MACROD2: variants seen among roughly 807,000 people sequenced by gnomAD.
The protein encoded by MACROD2 is mono-ADP ribosylhydrolase 2, also known as ADP-ribose glycohydrolase MACROD2.
Under a neutral mutation model 70.4 loss-of-function variants are expected in MACROD2, and 36 were observed. That is an observed-to-expected ratio of 0.51 (90% confidence interval 0.39 to 0.68). The LOEUF is 0.68. Ranked by LOEUF, MACROD2 falls within the 30% of genes least tolerant of loss-of-function variation. The pLI, the probability that MACROD2 is intolerant of heterozygous loss-of-function variation, is 0.00. For synonymous variants in MACROD2, 172 were observed against 178.8 expected (o/e 0.96, Z 0.30); for missense variants, 496 against 538.4 (o/e 0.92, Z 0.78).
intron 9 of MACROD2, among the ~76,000 whole-genome samples, chr20:15,880,396 C>A (rs1446029305): frequency 1.3e-5 from 2 of 151,800 alleles, no homozygotes; most frequent in Non-Finnish European, 2.9e-5. Context: ...TTTGAGTTCC[C>A]CAATAAGCAG....
At chr20:14,858,791 T>G (rs73089903) in intron 5 of MACROD2, among the ~76,000 whole-genome samples, 30,387 of 152,022 alleles carry the variant, frequency 0.2, 3,191 homozygotes, top group East Asian at 0.25. Flanking sequence ...ACTTTAAACA[T>G]GTTTTCAAAC....
intron 6 of MACROD2, among the ~76,000 whole-genome samples, chr20:15,356,056 A>G (rs1297736130): frequency 1.3e-5 from 2 of 151,926 alleles, no homozygotes; most frequent in Admixed American, 6.5e-5. Flanking sequence ...GTGTTGCTTC[A>G]ACTTCCTATC....
intron 3 of MACROD2, among the ~76,000 whole-genome samples, chr20:14,196,025 A>C (rs1256471857): frequency 2.0e-5 from 3 of 152,184 alleles, no homozygotes; most frequent in Non-Finnish European, 4.4e-5. Flanking sequence ...CTGGGGCTTC[A>C]GCTGTAAACA....
At position 15,920,860 on chromosome 20, in the gene MACROD2, C is replaced by A. The variant is rs1446979580; in HGVS notation, c.776-12416C>A. 3.3e-5 allele frequency among the ~76,000 whole-genome samples: 5 copies of A among 152,258 alleles called. No homozygotes were observed. In the East Asian group the frequency reaches 7.7e-4, roughly 24 times the overall value. ...GTTAAGAATGTTCTTCAGGATAATT[C>A]AGAGCTTTTGCAGTAGAGGTCGACA... On this transcript the variant is annotated intron_variant, in intron 10 of 17. Transcript: ENST00000684519.
chr20:14,581,829 A>G (rs533996285), intron 4 of MACROD2, among the ~76,000 whole-genome samples: 3 of 152,272 alleles, frequency 2.0e-5, no homozygotes, highest in East Asian at 3.9e-4. Context: ...TGTGTTGGCT[A>G]CTGCTCTTGG....
At chr20:15,300,193 T>G (rs1214376836) in intron 6 of MACROD2, among the ~76,000 whole-genome samples, 1 of 152,196 alleles carries the variant, frequency 6.6e-6, no homozygotes, top group Non-Finnish European at 1.5e-5. Context: ...TTGGCTTTGC[T>G]TTTGTCTCCA....
At chr20:14,077,879 CTG>C (rs1366570274) in intron 2 of MACROD2, among the ~76,000 whole-genome samples, 1 of 147,754 alleles carries the variant, frequency 6.8e-6, no homozygotes, top group Non-Finnish European at 1.5e-5. Context: ...TAGTAAGAGA[CTG>C]TGAAAGGTTT....
At chr20:14,975,419 G>A (rs1349012862) in intron 5 of MACROD2, among the ~76,000 whole-genome samples, 1 of 152,106 alleles carries the variant, frequency 6.6e-6, no homozygotes, top group Non-Finnish European at 1.5e-5. Context: ...AGGCTGGGGC[G>A]GGCAGGTGGG....
intron 5 of MACROD2, among the ~76,000 whole-genome samples, chr20:14,794,777 A>G (rs2072491679): frequency 6.6e-6 from 1 of 152,146 alleles, no homozygotes. Context: ...AAAGTTAACA[A>G]GACCGCCAAG....
intron 3 of MACROD2, among the ~76,000 whole-genome samples, chr20:14,388,041 G>T: frequency 2.2e-5 from 3 of 134,928 alleles, no homozygotes; most frequent in African/African-American, 2.8e-5. Context: ...ACAGAGTCTT[G>T]CTCAGTCACC....
At chr20:15,457,673 T>TC (rs1258080432) in intron 7 of MACROD2, among the ~76,000 whole-genome samples, 1 of 152,188 alleles carries the variant, frequency 6.6e-6, no homozygotes, top group East Asian at 1.9e-4. Context: ...GTATAAATCA[T>TC]CCCCTTTAGT....
chr20:15,109,936 G>C (rs1326882547), intron 5 of MACROD2, among the ~76,000 whole-genome samples: 1 of 151,960 alleles, frequency 6.6e-6, no homozygotes, highest in Non-Finnish European at 1.5e-5. Flanking sequence ...AGAGCAAAAA[G>C]GCAAGTGCCG....
At chr20:15,075,134 A>G (rs1266934803) in intron 5 of MACROD2, among the ~76,000 whole-genome samples, 1 of 152,158 alleles carries the variant, frequency 6.6e-6, no homozygotes, top group African/African-American at 2.4e-5. Flanking sequence ...ATAGTAACAT[A>G]TGTTAAGTGT....
rs1466513392 is a variant in MACROD2, at chr20:15,166,855, TTATTAAA to T, written c.419-63083_419-63077del. Among the ~76,000 whole-genome samples the T allele has an allele frequency of 5.9e-5, 9 of 151,266 alleles. No homozygotes were observed. In the South Asian group the frequency reaches 1.9e-3, roughly 31 times the overall value. ...TGAAGGTTTTAAGTTAATACTTAAATTATTAAATTTAAGTATTAACTTATTAAATTTA... is the reference window on the plus strand; with the variant it reads ...TGAAGGTTTTAAGTTAATACTTAAATTTTAAGTATTAACTTATTAAATTTA... On this transcript the variant is annotated intron_variant, in intron 5 of 17. Transcript: ENST00000684519.
intron 3 of MACROD2, among the ~76,000 whole-genome samples, chr20:14,201,772 G>GA (rs1325677023): frequency 1.3e-5 from 2 of 151,522 alleles, no homozygotes; most frequent in Non-Finnish European, 2.9e-5. Context: ...CCAGGAGGTG[G>GA]AGGTTGCAAT....
chr20:14,166,673 T>C (rs1396650338), intron 3 of MACROD2, among the ~76,000 whole-genome samples: 1 of 152,160 alleles, frequency 6.6e-6, no homozygotes, highest in Non-Finnish European at 1.5e-5. Context: ...TTCAGAGACT[T>C]GGGCTCACCT....
intron 4 of MACROD2, among the ~76,000 whole-genome samples, chr20:14,670,279 C>T: frequency 6.6e-6 from 1 of 152,060 alleles, no homozygotes; most frequent in East Asian, 1.9e-4. Flanking sequence ...CCTCTCTGGA[C>T]CCTTTAGTAG....
intron 8 of MACROD2, among the ~76,000 whole-genome samples, chr20:15,653,755 A>G (rs1180542554): frequency 6.6e-6 from 1 of 152,172 alleles, no homozygotes; most frequent in African/African-American, 2.4e-5. Context: ...ATATAAACAC[A>G]GGAACCCACA....
chr20:13,996,812 AC>A (rs1464913927), intron 1 of MACROD2, among the ~76,000 whole-genome samples: 1 of 152,222 alleles, frequency 6.6e-6, no homozygotes, highest in Non-Finnish European at 1.5e-5. Flanking sequence ...GCTAAAATAA[AC>A]TAAAACCTGT....
Sources: allele counts gnomAD v4.1 joint callset (sites outside exome capture counted in the v4.1 genomes callset), GRCh38; gene constraint gnomAD v4.1.1; transcripts MANE v1.5; gene names NCBI Gene and HGNC (gene_info 2026-07-23, HGNC 2026-07-21).